SERPINB2: variants seen among roughly 807,000 people sequenced by gnomAD.
SERPINB2 encodes the protein serpin family B member 2.
In SERPINB2, 28 loss-of-function variants were observed where a neutral mutation model predicts 39.4. That is an observed-to-expected ratio of 0.71 (90% CI 0.53 to 0.97). The LOEUF (loss-of-function observed/expected upper bound fraction) is 0.97. Ranked by LOEUF, SERPINB2 falls within the 50% of genes least tolerant of loss-of-function variation. SERPINB2 has a pLI of 0.00. For missense variants in SERPINB2, 557 were observed against 505.3 expected (o/e 1.10, Z -0.98); for synonymous variants, 209 against 175.1 (o/e 1.19, Z -1.53).
rs565205262 is a variant in SERPINB2, at chr18:63,900,976, T to G, written c.536-764T>G. On this transcript the variant is annotated intron_variant, in intron 5 of 7. Transcript: ENST00000299502. The stretch of plus-strand genomic sequence containing the variant: ...CACTAATAAAACCCACCTAATAGAG[T>G]ATCAAAATAATATATTTTGATGCTT... Among the ~76,000 whole-genome samples, 6 of 152,244 alleles carry G rather than the reference T, an allele frequency of 3.9e-5. No homozygotes were observed. The East Asian group carries it at 1.2e-3, about 29-fold the overall frequency.
chr18:63,897,353 G>A (rs2049966580), intron 4 of SERPINB2, 134 bp downstream of exon 4: 3 of 1,031,376 alleles, frequency 2.9e-6, no homozygotes, highest in Non-Finnish European at 4.2e-6. Context: ...GGCTGGCCTT[G>A]CGTAACAGCT....
intron 6 of SERPINB2, 67 bp from the exon 7 acceptor site, chr18:63,902,337 A>G (rs1026265501): frequency 5.8e-6 from 8 of 1,373,886 alleles, no homozygotes; most frequent in Non-Finnish European, 6.8e-6. Context: ...ATCCTCCTTT[A>G]TGTCTAATTG....
At chr18:63,898,293 G>A (rs138611091) in intron 5 of SERPINB2, among the ~76,000 whole-genome samples, 154 of 152,228 alleles carry the variant, frequency 1.0e-3, no homozygotes, top group African/African-American at 3.5e-3. Flanking sequence ...ACCATTCAAA[G>A]CCAATCCATT....
chr18:63,893,918 T>C (rs1448363395), intron 2 of SERPINB2, among the ~76,000 whole-genome samples: 1 of 152,196 alleles, frequency 6.6e-6, no homozygotes, highest in African/African-American at 2.4e-5. Context: ...CAGTTGAGAA[T>C]TGCTGTAGCT....
chr18:63,897,164 A>C lies in SERPINB2; in HGVS notation c.362A>C (p.Tyr121Ser). The C allele has an allele frequency of 6.2e-7, 1 of 1,613,488 alleles. No individual in the cohort carries two copies. Among genetic ancestry groups the C allele is most frequent in the Non-Finnish European group, 8.5e-7 (1 of 1,179,594 alleles). ...GCAATCAATGCATCCACAGGGAATTATTTACTGGAAAGTGTCAATAAGCTG... is the reference window on the plus strand; with the variant it reads ...GCAATCAATGCATCCACAGGGAATTCTTTACTGGAAAGTGTCAATAAGCTG... ...SSAINASTGN[Y>S]LLESVNKLFG... is the part of the protein sequence containing the mutation. The change falls in exon 4 of 8, where the codon TAT becomes TCT. Residue 121 changes from tyrosine to serine, a missense_variant. Coordinates refer to ENST00000299502, the MANE Select transcript of SERPINB2 (RefSeq NM_002575.3).
rs72941729 is a variant in SERPINB2 at position 63,902,364 on chromosome 18, T to C, written c.679-40T>C. The C allele has an allele frequency of 6.2e-3, 9,322 of 1,500,378 alleles. 45 individuals carry two copies. Among genetic ancestry groups the C allele is most frequent in the Non-Finnish European group, 7.0e-3 (7,812 of 1,116,864 alleles). The allele number at this position is 1,500,378 out of a possible 1,614,324, so 92.9% of individuals were successfully genotyped here. ...GTCTAATTGTAAATCTCTTGATATC[T>C]TATAATCGACTTCCATATTTTACCT... On this transcript the variant is annotated intron_variant, in intron 6 of 7. Coordinates refer to ENST00000299502, the MANE Select transcript of SERPINB2 (RefSeq NM_002575.3).
In SERPINB2 at chr18:63,895,362, T is replaced by A; in HGVS notation, c.267T>A (p.Ser89Arg). The A allele has an allele frequency of 6.2e-7, 1 of 1,614,096 alleles. No individual in the cohort carries two copies. The highest frequency in any genetic ancestry group is 8.5e-7 in the Non-Finnish European group (1 of 1,179,986). ...TCATGCAGCAGATCCAGAAGGGTAG[T>A]TATCCTGATGCGATTTTGCAGGTAT... ...CGFMQQIQKGSYPDAILQAQA... is the reference protein window; with the variant it reads ...CGFMQQIQKGRYPDAILQAQA... The change falls in exon 3 of 8, where the codon AGT becomes AGA. Residue 89 changes from serine (S) to arginine (R), a missense_variant. Transcript: ENST00000299502.
At chr18:63,890,521 A>T (rs1444326163) in intron 1 of SERPINB2, 1 of 152,244 alleles carries the variant, frequency 6.6e-6, no homozygotes, top group African/African-American at 2.4e-5. Flanking sequence ...TCAGGACCAA[A>T]AAACACACAC....
At chr18:63,898,650 G>A (rs1002567843) in intron 5 of SERPINB2, among the ~76,000 whole-genome samples, 1 of 152,176 alleles carries the variant, frequency 6.6e-6, no homozygotes, top group African/African-American at 2.4e-5. Flanking sequence ...GTTGGCAATT[G>A]CTATAGAGTA....
intron 2 of SERPINB2, among the ~76,000 whole-genome samples, chr18:63,893,651 G>A (rs1203102345): frequency 1.3e-5 from 2 of 152,306 alleles, no homozygotes; most frequent in African/African-American, 4.8e-5. Flanking sequence ...GAAACCATTT[G>A]CATCTCAGTT....
intron 5 of SERPINB2, among the ~76,000 whole-genome samples, chr18:63,898,932 CTTA>C (rs2144704095): frequency 6.6e-6 from 1 of 152,270 alleles, no homozygotes; most frequent in South Asian, 2.1e-4. Flanking sequence ...ATGCAGTACA[CTTA>C]TTATGCTATT....
chr18:63,897,661 C>T, intron 4 of SERPINB2, 66 bp from the exon 5 acceptor site: 1 of 1,107,282 alleles, frequency 9.0e-7, no homozygotes, highest in Non-Finnish European at 1.4e-6. Context: ...GACCATAATT[C>T]ACCATTATGC....
rs1409953567 is a variant in SERPINB2, at chr18:63,902,289, TAAA to T, written c.679-110_679-108del. On this transcript the variant is annotated intron_variant, in intron 6 of 7. Coordinates refer to ENST00000299502, the MANE Select transcript of SERPINB2 (RefSeq NM_002575.3). Reference sequence around the variant, plus strand: ...GTACAAATAATTTATTTTGTTGATTTAAAAAAATCACATTTATCCTACACTAAA... The same window carrying T: ...GTACAAATAATTTATTTTGTTGATTTAAAATCACATTTATCCTACACTAAA... The T allele has an allele frequency of 4.3e-6, 4 of 935,058 alleles. No homozygotes were observed. In the East Asian group the frequency reaches 1.1e-4, roughly 26 times the overall value. The allele number at this position is 935,058 out of a possible 1,614,324, so 57.9% of individuals were successfully genotyped here. A position where few individuals can be genotyped will look rare whatever the true frequency, so the allele number is the denominator to read the frequency against.
chr18:63,897,675 G>A (rs1321935666), intron 4 of SERPINB2, 52 bp from the exon 5 acceptor site: 2 of 1,204,316 alleles, frequency 1.7e-6, no homozygotes, highest in African/African-American at 3.0e-5. Context: ...ATTATGCCAT[G>A]GCTTGTTTGG....
chr18:63,898,647 A>T (rs1047011624), intron 5 of SERPINB2, among the ~76,000 whole-genome samples: 20 of 152,176 alleles, frequency 1.3e-4, no homozygotes, highest in African/African-American at 4.8e-4. Flanking sequence ...CATGTTGGCA[A>T]TTGCTATAGA....
chr18:63,900,781 T>A (rs2049986715), intron 5 of SERPINB2, among the ~76,000 whole-genome samples: 1 of 152,070 alleles, frequency 6.6e-6, no homozygotes. Context: ...AAAACCTGCC[T>A]CCAGAGTCAG....
At chr18:63,902,031 G>A in intron 6 of SERPINB2, 149 bp downstream of exon 6, 1 of 773,748 alleles carries the variant, frequency 1.3e-6, no homozygotes, top group Non-Finnish European at 2.0e-6. Context: ...AAACAGTATA[G>A]GTAAAGGGGA....
Position 63,899,737 on chromosome 18 carries a change from T to C in SERPINB2, c.535+1893T>C, listed in dbSNP as rs537523712. 2.0e-5 allele frequency among the ~76,000 whole-genome samples: 3 copies of C among 152,334 alleles called. No individual in the cohort carries two copies. The East Asian group carries it at 5.8e-4, about 29-fold the overall frequency. On this transcript the variant is annotated intron_variant, in intron 5 of 7. Transcript: ENST00000299502. ...CTCAATCGGATGTTTAAAAATTTTA[T>C]AACTTATTTTTTTAAGGATTTTCAT...
chr18:63,892,964 G>A (rs539597759), intron 2 of SERPINB2, among the ~76,000 whole-genome samples: 12 of 151,520 alleles, frequency 7.9e-5, no homozygotes, highest in Non-Finnish European at 1.0e-4. Context: ...ATGGAGTCTC[G>A]CCCTATCACC....
Sources: gnomAD v4.1 joint callset for allele counts (sites outside exome capture counted in the v4.1 genomes callset) on GRCh38, gnomAD v4.1.1 for gene constraint, MANE v1.5 for transcripts, NCBI Gene and HGNC (gene_info 2026-07-23, HGNC 2026-07-21) for gene names.